The following FBXO3 variants were observed in gnomAD, a reference collection of about 807,000 sequenced individuals.
FBXO3 encodes the protein F-box only protein 3.
FBXO3 carries 17 observed loss-of-function variants against 64.8 expected under a neutral mutation model. The ratio of observed to expected loss-of-function variants is 0.26; its 90% CI spans 0.18 to 0.39. The LOEUF (loss-of-function observed/expected upper bound fraction) is 0.39. Ranked by LOEUF, FBXO3 falls within the 10% of genes least tolerant of loss-of-function variation. FBXO3 has a pLI of 1.00. For synonymous variants in FBXO3, 182 were observed against 201.6 expected (o/e 0.90, Z 0.82); for missense variants, 420 against 589.9 (o/e 0.71, Z 2.98).
At chr11:33,749,521 C>T (rs976324717) in intron 8 of FBXO3, among the ~76,000 whole-genome samples, 1 of 152,110 alleles carries the variant, frequency 6.6e-6, no homozygotes, top group Non-Finnish European at 1.5e-5. Context: ...GCCACCACAC[C>T]TGGCTAATTT....
intron 4 of FBXO3, 74 bp from the exon 5 acceptor site, chr11:33,756,049 A>G (rs1855089304): frequency 5.7e-6 from 7 of 1,225,716 alleles, no homozygotes; most frequent in Middle Eastern, 2.5e-4. Context: ...TCTGATGAAT[A>G]ATAATTTCCC....
chr11:33,763,626 C>CCAAAAAAAAAAAAAAA (rs1855293961), intron 3 of FBXO3, among the ~76,000 whole-genome samples: 1 of 103,022 alleles, frequency 9.7e-6, no homozygotes, highest in African/African-American at 3.5e-5. Context: ...AGAATATCTA[C>CCAAAAAAAAAAAAAAA]AAAAAAAAAA....
intron 10 of FBXO3, chr11:33,746,834 T>A: frequency 7.1e-7 from 1 of 1,416,680 alleles, no homozygotes; most frequent in Non-Finnish European, 9.2e-7. Flanking sequence ...GTTTTCCCAG[T>A]CTTAAAGCTG....
intron 3 of FBXO3, 101 bp from the exon 4 acceptor site, chr11:33,758,702 G>A: frequency 1.4e-6 from 1 of 702,304 alleles, no homozygotes; most frequent in Non-Finnish European, 2.2e-6. Context: ...TGGAATGAGT[G>A]AATTCTGTCC....
chr11:33,749,279 G>A (rs10768025), intron 8 of FBXO3, among the ~76,000 whole-genome samples: 99,972 of 151,882 alleles, frequency 0.66, 33,099 homozygotes, highest in Middle Eastern at 0.72. Flanking sequence ...TTAACTGCAT[G>A]AGACTATACA....
At position 33,742,045 on chromosome 11, in the gene FBXO3, C is replaced by G. The variant is rs752093796; in HGVS notation, c.1279G>C (p.Glu427Gln). ...TCGTCTTCCTCCTCTTCCTCCTCCT[C>G]CTCTTCTTCCATCTCTTCATATTCA... is the stretch of plus-strand genomic sequence containing the variant. The part of the protein sequence containing the change: ...PDEYEEMEEE[E>Q]EEEEEEDEDD... Residue 427 changes from glutamate (E) to glutamine (Q), a missense_variant, in exon 11 of 11, where the codon GAG (glutamate) becomes CAG (glutamine). Physicochemically the swap from Glu to Gln is conservative, Grantham distance 29. This residue lies in a region of FBXO3 where 337 missense variants were observed against 518.4 expected (regional missense o/e 0.65). Coordinates refer to ENST00000265651, the MANE Select transcript of FBXO3 (RefSeq NM_012175.4). 1 of 1,607,428 alleles carries G rather than the reference C, an allele frequency of 6.2e-7. No individual in the cohort carries two copies. The highest frequency in any genetic ancestry group is 1.1e-5 in the South Asian group (1 of 90,558).
intron 5 of FBXO3, among the ~76,000 whole-genome samples, chr11:33,755,457 T>C (rs1326435939): frequency 6.6e-6 from 1 of 151,814 alleles, no homozygotes; most frequent in Non-Finnish European, 1.5e-5. Context: ...AAAGGCTAAA[T>C]TTTTGGAAAG....
chr11:33,744,439 G>C (rs72920526), intron 10 of FBXO3: 1 of 152,104 alleles, frequency 6.6e-6, no homozygotes, highest in Non-Finnish European at 1.5e-5. Context: ...AAAGACATAA[G>C]ACCAACTAAT....
chr11:33,752,788 TGAAA>T (rs71034700), intron 6 of FBXO3, among the ~76,000 whole-genome samples: 38,297 of 151,920 alleles, frequency 0.25, 6,055 homozygotes, highest in Middle Eastern at 0.48. Context: ...GTACTTTCTC[TGAAA>T]GAGTTTTTAA....
chr11:33,766,434 G>A (rs1178932496), intron 3 of FBXO3, among the ~76,000 whole-genome samples: 1 of 152,152 alleles, frequency 6.6e-6, no homozygotes, highest in African/African-American at 2.4e-5. Flanking sequence ...ATCATCTTTG[G>A]CTGCTTTTCC....
In FBXO3 at chr11:33,757,515, T is replaced by TAA. The variant is rs35494216; in HGVS notation, c.473+970_473+971dup. On this transcript the variant is annotated intron_variant, in intron 4 of 10. Transcript: ENST00000265651. Reference sequence around the variant, plus strand: ...TAATAAAAGTTTATAAAACAAATCTTAAAAAAAAAAAAAAAAAGCTGAGCC... The same window carrying TAA: ...TAATAAAAGTTTATAAAACAAATCTTAAAAAAAAAAAAAAAAAAAGCTGAGCC... 2.6e-4 allele frequency among the ~76,000 whole-genome samples: 25 copies of TAA among 97,352 alleles called. 1 individual carries two copies. Among genetic ancestry groups the TAA allele is most frequent in the African/African-American group, 7.2e-4 (20 of 27,658 alleles). The allele number at this position is 97,352 out of a possible 152,430, so 63.9% of individuals were successfully genotyped here.
At chr11:33,742,627 T>C (rs1251979210) in intron 10 of FBXO3, 1 of 152,240 alleles carries the variant, frequency 6.6e-6, no homozygotes, top group Non-Finnish European at 1.5e-5. Flanking sequence ...TATTAAGCTA[T>C]ATACTTACAG....
intron 10 of FBXO3, 104 bp downstream of exon 10, chr11:33,747,026 G>T (rs1564985806): frequency 6.6e-7 from 1 of 1,521,670 alleles, no homozygotes; most frequent in South Asian, 1.3e-5. Context: ...AAATCTCTAG[G>T]GTTCTCTGGA....
At chr11:33,757,160 G>A (rs896373147) in intron 4 of FBXO3, 6 of 497,576 alleles carry the variant, frequency 1.2e-5, no homozygotes, top group African/African-American at 3.9e-5. Flanking sequence ...GGAACACCAG[G>A]TTCCAATAAG....
intron 4 of FBXO3, among the ~76,000 whole-genome samples, chr11:33,757,754 C>A (rs1250959802): frequency 2.1e-5 from 3 of 144,436 alleles, no homozygotes; most frequent in Non-Finnish European, 4.5e-5. Flanking sequence ...CCCAGGAATT[C>A]AAGACCAGCC....
At chr11:33,753,612 T>C (rs954435313) in intron 6 of FBXO3, 1 of 152,238 alleles carries the variant, frequency 6.6e-6, no homozygotes, top group Non-Finnish European at 1.5e-5. Flanking sequence ...AAGCTTTTTA[T>C]AACTTACTAG....
chr11:33,752,169 G>T (rs1468146515), intron 6 of FBXO3, among the ~76,000 whole-genome samples: 1 of 152,138 alleles, frequency 6.6e-6, no homozygotes, highest in Non-Finnish European at 1.5e-5. Flanking sequence ...AGATTTAATT[G>T]CACAGCGGTC....
chr11:33,748,451 A>C (rs1854871495), intron 9 of FBXO3, among the ~76,000 whole-genome samples: 1 of 152,160 alleles, frequency 6.6e-6, no homozygotes, highest in African/African-American at 2.4e-5. Flanking sequence ...AAACAATAAA[A>C]ATTCATGCCA....
At chr11:33,768,650 C>T in intron 3 of FBXO3, 1 of 542,370 alleles carries the variant, frequency 1.8e-6, no homozygotes, top group Non-Finnish European at 3.3e-6. Flanking sequence ...GATAAATAAC[C>T]ATGTGGGTCC....
Sources: allele counts gnomAD v4.1 joint callset (sites outside exome capture counted in the v4.1 genomes callset), GRCh38; gene constraint gnomAD v4.1.1; regional missense constraint gnomAD v4.1.1; transcripts MANE v1.5; gene names NCBI Gene and HGNC (gene_info 2026-07-23, HGNC 2026-07-21).